The following GRIK3 variants were observed in gnomAD, a reference collection of about 807,000 sequenced individuals.
GRIK3 encodes the protein glutamate ionotropic receptor kainate type subunit 3.
GRIK3 carries 29 observed loss-of-function variants against 102.5 expected under a neutral mutation model. The ratio of observed to expected loss-of-function variants is 0.28; its 90% CI spans 0.21 to 0.39. The LOEUF (loss-of-function observed/expected upper bound fraction) is 0.39, where lower values mean the gene tolerates loss of function less well. Ranked by LOEUF, GRIK3 falls within the 10% of genes least tolerant of loss-of-function variation. GRIK3 has a pLI of 1.00. For synonymous variants in GRIK3, 511 were observed against 504.9 expected (o/e 1.01, Z -0.16); for missense variants, 908 against 1,252.4 (o/e 0.73, Z 4.15).
chr1:36,988,848 G>A (rs974560094), intron 1 of GRIK3, among the ~76,000 whole-genome samples: 5 of 152,236 alleles, frequency 3.3e-5, no homozygotes, highest in Non-Finnish European at 5.9e-5. Context: ...TCCCAGCTGC[G>A]GTGATTTAAA....
At chr1:36,967,347 C>G (rs1188325743) in intron 1 of GRIK3, among the ~76,000 whole-genome samples, 1 of 152,222 alleles carries the variant, frequency 6.6e-6, no homozygotes, top group African/African-American at 2.4e-5. Flanking sequence ...CTTTTCTCTG[C>G]CTTGTCCTGG....
At chr1:37,023,814 G>A (rs899962967) in intron 1 of GRIK3, among the ~76,000 whole-genome samples, 7 of 152,190 alleles carry the variant, frequency 4.6e-5, no homozygotes, top group Non-Finnish European at 1.0e-4. Context: ...ACCCCAGGAG[G>A]GAGGCAGTGG....
intron 1 of GRIK3, among the ~76,000 whole-genome samples, chr1:36,980,445 CCCT>C (rs1642237556): frequency 6.6e-6 from 1 of 151,670 alleles, no homozygotes; most frequent in Admixed American, 6.6e-5. Flanking sequence ...GGGACACTCT[CCCT>C]CCTCCTTTTG....
intron 11 of GRIK3, among the ~76,000 whole-genome samples, chr1:36,820,743 C>T (rs978566048): frequency 5.3e-5 from 8 of 152,118 alleles, no homozygotes; most frequent in African/African-American, 1.9e-4. Flanking sequence ...AGCATCCTAT[C>T]CCCCGGAGAG....
At position 36,859,926 on chromosome 1, in the gene GRIK3, G is replaced by A. The variant is rs887171506; in HGVS notation, c.878C>T (p.Ser293Leu). The change falls in exon 6 of 16, where the codon TCG (serine) becomes TTG (leucine). Residue 293 changes from serine (S) to leucine (L), a missense_variant. Ser to Leu is a moderately radical substitution (Grantham distance 145). Around this residue, in one of 3 missense-constraint regions of GRIK3, gnomAD observed 585 missense variants for 824.9 expected, o/e 0.71. Coordinates refer to ENST00000373091, the MANE Select transcript of GRIK3 (RefSeq NM_000831.4). ...RILNVDNPHV[S>L]AIVEKWSMER... is the part of the protein sequence containing the mutation. ...CATGGACCACTTCTCCACAATGGCC[G>A]AGACGTGTGGGTTGTCCACATTGAG... 6.2e-6 allele frequency: 10 copies of A among 1,613,738 alleles called. No homozygotes were observed. Among genetic ancestry groups the A allele is most frequent in the Admixed American group, 1.7e-5 (1 of 60,010 alleles).
At chr1:36,844,331 A>G (rs550240285) in intron 9 of GRIK3, among the ~76,000 whole-genome samples, 15 of 152,364 alleles carry the variant, frequency 9.8e-5, no homozygotes, top group African/African-American at 3.6e-4. Context: ...AGGCAGCTCA[A>G]CAAGGTTGGA....
chr1:36,859,074 GAGACAACA>G (rs1640688629), intron 7 of GRIK3, 26 bp downstream of exon 7: 1 of 1,556,180 alleles, frequency 6.4e-7, no homozygotes, highest in Non-Finnish European at 8.8e-7. Flanking sequence ...CAGTCCCGGG[GAGACAACA>G]CTGGTGGGGG....
At chr1:36,911,001 T>G (rs1238211131) in intron 1 of GRIK3, among the ~76,000 whole-genome samples, 1 of 151,940 alleles carries the variant, frequency 6.6e-6, no homozygotes, top group African/African-American at 2.4e-5. Flanking sequence ...GACGTCTTCA[T>G]GGGGGAGGCA....
chr1:36,887,792 TGA>T (rs1557714604), intron 2 of GRIK3, among the ~76,000 whole-genome samples: 12 of 32,984 alleles, frequency 3.6e-4, no homozygotes, highest in South Asian at 9.0e-4. Flanking sequence ...ATATATATAG[TGA>T]GAGAGAGAGA....
At chr1:36,972,052 C>T (rs1343170333) in intron 1 of GRIK3, among the ~76,000 whole-genome samples, 1 of 152,206 alleles carries the variant, frequency 6.6e-6, no homozygotes, top group African/African-American at 2.4e-5. Context: ...CGGAGCCAGG[C>T]AGGAGGGGGC....
At chr1:36,932,028 G>A (rs1306439119) in intron 1 of GRIK3, among the ~76,000 whole-genome samples, 8 of 152,012 alleles carry the variant, frequency 5.3e-5, no homozygotes, top group South Asian at 2.1e-4. Flanking sequence ...TCACTGTGAC[G>A]GCCTGGATTC....
intron 1 of GRIK3, among the ~76,000 whole-genome samples, chr1:36,945,128 C>T (rs1055689067): frequency 2.0e-5 from 3 of 152,372 alleles, no homozygotes; most frequent in Non-Finnish European, 4.4e-5. Flanking sequence ...AGCACAAGGG[C>T]GGACGCCTTT....
chr1:36,954,428 A>C (rs1343916168), intron 1 of GRIK3, among the ~76,000 whole-genome samples: 1 of 152,234 alleles, frequency 6.6e-6, no homozygotes, highest in Non-Finnish European at 1.5e-5. Context: ...CAGAAAGGTC[A>C]TCTGCGGGAG....
At chr1:36,856,581 T>A (rs1299161294) in intron 7 of GRIK3, among the ~76,000 whole-genome samples, 1 of 152,162 alleles carries the variant, frequency 6.6e-6, no homozygotes, top group Non-Finnish European at 1.5e-5. Flanking sequence ...CGGGCAGGCA[T>A]CTGAGGTTCG....
chr1:36,884,364 C>T (rs1249277144), intron 2 of GRIK3, among the ~76,000 whole-genome samples: 3 of 152,122 alleles, frequency 2.0e-5, no homozygotes, highest in African/African-American at 7.2e-5. Flanking sequence ...TTTTCAGTTC[C>T]CTCTCCCCAA....
chr1:37,004,759 C>T (rs564026585), intron 1 of GRIK3, among the ~76,000 whole-genome samples: 22 of 152,346 alleles, frequency 1.4e-4, no homozygotes, highest in African/African-American at 2.2e-4. Context: ...ATGGGGACAG[C>T]GATTAACTGC....
At chr1:36,831,983 C>G (rs1425377771) in intron 10 of GRIK3, among the ~76,000 whole-genome samples, 2 of 152,190 alleles carry the variant, frequency 1.3e-5, no homozygotes, top group Non-Finnish European at 2.9e-5. Context: ...CCTCCCCAAA[C>G]TCTTTGTCTA....
intron 1 of GRIK3, among the ~76,000 whole-genome samples, chr1:36,930,618 C>T (rs1334803): frequency 0.82 from 125,304 of 152,234 alleles, 52,263 homozygotes; most frequent in Admixed American, 0.89. Flanking sequence ...TGGGGCATTA[C>T]ATCCCTACCC....
At chr1:36,937,043 C>T (rs987705754) in intron 1 of GRIK3, among the ~76,000 whole-genome samples, 1 of 152,170 alleles carries the variant, frequency 6.6e-6, no homozygotes, top group African/African-American at 2.4e-5. Context: ...CTGTCCTCTC[C>T]ACCAGTTTTC....
Sources: allele counts gnomAD v4.1 joint callset (sites outside exome capture counted in the v4.1 genomes callset), GRCh38; gene constraint gnomAD v4.1.1; regional missense constraint gnomAD v4.1.1; transcripts MANE v1.5; gene names NCBI Gene and HGNC (gene_info 2026-07-23, HGNC 2026-07-21).